Variants in CACNG2 observed in about 807,000 individuals in gnomAD.
CACNG2 encodes the protein calcium voltage-gated channel auxiliary subunit gamma 2, also known as voltage-dependent calcium channel gamma-2 subunit.
CACNG2 carries 3 observed loss-of-function variants against 25.9 expected under a neutral mutation model. That is an observed-to-expected ratio of 0.12 (90% CI 0.05 to 0.30). CACNG2 has a LOEUF of 0.30. CACNG2 is among the 10% of genes least tolerant of loss of function. The pLI is 1.00. For synonymous variants in CACNG2, 167 were observed against 173.3 expected (o/e 0.96, Z 0.29); for missense variants, 341 against 432.5 (o/e 0.79, Z 1.88).
chr22:36,568,620 G>T (rs569279124), intron 2 of CACNG2, among the ~76,000 whole-genome samples: 1 of 152,058 alleles, frequency 6.6e-6, no homozygotes, highest in South Asian at 2.1e-4. Context: ...GGCCAGGCTG[G>T]TCTTGAACTC....
At chr22:36,580,034 G>A (rs543085979) in intron 2 of CACNG2, among the ~76,000 whole-genome samples, 1 of 152,370 alleles carries the variant, frequency 6.6e-6, no homozygotes, top group African/African-American at 2.4e-5. Flanking sequence ...ACGGATTGTG[G>A]CGAATGCCTG....
chr22:36,607,529 CCA>C (rs1196658300), intron 1 of CACNG2, among the ~76,000 whole-genome samples: 1 of 152,212 alleles, frequency 6.6e-6, no homozygotes, highest in Non-Finnish European at 1.5e-5. Flanking sequence ...CAGATGTGAG[CCA>C]CTGCACCTGG....
Position 36,563,533 on chromosome 22 carries a change from G to A in CACNG2, c.*818C>T, listed in dbSNP as rs557091211. ...CTAGGAAGTCATCACAGTGGGTTAAGGAGCATTAAGGACTGGGAACCTGGG... is the reference window on the plus strand; with the variant it reads ...CTAGGAAGTCATCACAGTGGGTTAAAGAGCATTAAGGACTGGGAACCTGGG... On this transcript the variant is annotated 3_prime_UTR_variant, in exon 4 of 4. Transcript: ENST00000300105. Among the ~76,000 whole-genome samples, 22 of 152,268 alleles carry A rather than the reference G, an allele frequency of 1.4e-4. 1 individual carries two copies. The South Asian group carries it at 4.6e-3, about 32-fold the overall frequency.
At chr22:36,693,018 C>T (rs374235108) in intron 1 of CACNG2, among the ~76,000 whole-genome samples, 72 of 152,132 alleles carry the variant, frequency 4.7e-4, no homozygotes, top group African/African-American at 1.5e-3. Flanking sequence ...TGGTGGTGTG[C>T]GCCTGTAATC....
intron 1 of CACNG2, among the ~76,000 whole-genome samples, chr22:36,650,981 T>G (rs1936602889): frequency 6.6e-6 from 1 of 152,192 alleles, no homozygotes; most frequent in Non-Finnish European, 1.5e-5. Flanking sequence ...AAATATTACT[T>G]TCTTACTAAA....
chr22:36,667,879 C>A (rs559255456), intron 1 of CACNG2, among the ~76,000 whole-genome samples: 38 of 152,168 alleles, frequency 2.5e-4, no homozygotes, highest in African/African-American at 8.4e-4. Flanking sequence ...TTGCCAGACT[C>A]GGCTTCCTAA....
At chr22:36,607,973 AG>A (rs1355290754) in intron 1 of CACNG2, among the ~76,000 whole-genome samples, 2 of 152,178 alleles carry the variant, frequency 1.3e-5, no homozygotes, top group African/African-American at 4.8e-5. Context: ...TGAGACATCT[AG>A]GGTGCAAAAT....
At position 36,613,891 on chromosome 22, in the gene CACNG2, T is replaced by G. The variant is rs145369918; in HGVS notation, c.212-26343A>C. Among the ~76,000 whole-genome samples the G allele has an allele frequency of 3.6e-3, 546 of 152,222 alleles. 7 individuals are homozygous for G. The highest frequency in any genetic ancestry group is 0.012 in the African/African-American group (517 of 41,530). On this transcript the variant is annotated intron_variant, in intron 1 of 3. Coordinates refer to ENST00000300105, the MANE Select transcript of CACNG2 (RefSeq NM_006078.5). ...GCAAACCTTGGAGTCATCCTTGATT[T>G]CTACCTCTTCATCTCCACTCCCAGC...
chr22:36,640,730 TC>T lies in CACNG2; in HGVS notation c.212-53183del, dbSNP rs561162131. Among the ~76,000 whole-genome samples, 7 of 152,308 alleles carry T rather than the reference TC, an allele frequency of 4.6e-5. No homozygotes were observed. The East Asian group carries it at 1.4e-3, about 29-fold the overall frequency. The stretch of plus-strand genomic sequence containing the variant: ...TCCGCGCTTGTTCCTGTGCAGCCTG[TC>T]CACCCAGCAGCCAGAGCCAGCTTCT... On this transcript the variant is annotated intron_variant, in intron 1 of 3. Transcript: ENST00000300105.
intron 2 of CACNG2, among the ~76,000 whole-genome samples, chr22:36,584,012 C>G (rs1350500002): frequency 1.3e-5 from 2 of 152,222 alleles, no homozygotes; most frequent in African/African-American, 4.8e-5. Flanking sequence ...CAGCTACTCT[C>G]TTCCCCAGAA....
chr22:36,698,545 T>A (rs1432109557), intron 1 of CACNG2, among the ~76,000 whole-genome samples: 1 of 152,050 alleles, frequency 6.6e-6, no homozygotes, highest in Non-Finnish European at 1.5e-5. Context: ...TCGCAGGCCA[T>A]CATGACTTGG....
chr22:36,685,727 G>A (rs1334136523), intron 1 of CACNG2, among the ~76,000 whole-genome samples: 6 of 152,228 alleles, frequency 3.9e-5, no homozygotes, highest in South Asian at 4.1e-4. Flanking sequence ...GGACCAAGGC[G>A]GGGAGAGCCG....
intron 1 of CACNG2, among the ~76,000 whole-genome samples, chr22:36,594,454 C>T (rs986743470): frequency 6.6e-6 from 1 of 152,206 alleles, no homozygotes; most frequent in African/African-American, 2.4e-5. Context: ...TTTCTGTCCT[C>T]AAGGAACTTG....
chr22:36,687,615 TA>T (rs1445669461), intron 1 of CACNG2, among the ~76,000 whole-genome samples: 1 of 152,226 alleles, frequency 6.6e-6, no homozygotes, highest in East Asian at 1.9e-4. Flanking sequence ...CCAATTCCTG[TA>T]ACCCGTGAGT....
intron 1 of CACNG2, 83 bp downstream of exon 1, chr22:36,702,283 A>G: frequency 1.3e-6 from 1 of 772,714 alleles, no homozygotes; most frequent in Non-Finnish European, 2.1e-6. Context: ...TGTAAAGGGG[A>G]CTTATTTGGA....
intron 3 of CACNG2, among the ~76,000 whole-genome samples, chr22:36,565,544 TCACAGCTCAC>T (rs1312016988): frequency 3.9e-5 from 6 of 152,024 alleles, no homozygotes; most frequent in Non-Finnish European, 7.4e-5. Context: ...AGTGGTGTGA[TCACAGCTCAC>T]TGCAGTCTCA....
chr22:36,682,070 G>A (rs1380204793), intron 1 of CACNG2, among the ~76,000 whole-genome samples: 1 of 152,192 alleles, frequency 6.6e-6, no homozygotes, highest in Non-Finnish European at 1.5e-5. Flanking sequence ...AGACCAAGAG[G>A]CAGAATTCCT....
At chr22:36,642,243 C>T (rs1936451359) in intron 1 of CACNG2, among the ~76,000 whole-genome samples, 1 of 152,138 alleles carries the variant, frequency 6.6e-6, no homozygotes, top group Non-Finnish European at 1.5e-5. Context: ...ATTCTCTGGC[C>T]GTGGCACATA....
chr22:36,698,585 T>G (rs1937371134), intron 1 of CACNG2, among the ~76,000 whole-genome samples: 1 of 152,126 alleles, frequency 6.6e-6, no homozygotes, highest in South Asian at 2.1e-4. Flanking sequence ...AGAGAGACAC[T>G]TCTTGCTCAA....
Sources: gnomAD v4.1 joint callset for allele counts (sites outside exome capture counted in the v4.1 genomes callset) on GRCh38, gnomAD v4.1.1 for gene constraint, MANE v1.5 for transcripts, NCBI Gene and HGNC (gene_info 2026-07-23, HGNC 2026-07-21) for gene names.